The following PLXDC2 variants were observed in gnomAD, a reference collection of about 807,000 sequenced individuals.
PLXDC2 encodes the protein plexin domain-containing protein 2.
Under a neutral mutation model 68.9 loss-of-function variants are expected in PLXDC2, and 40 were observed. The observed-to-expected ratio is 0.58, with a 90% CI of 0.45 to 0.76. PLXDC2 has a LOEUF of 0.76. Among genes scored for constraint, PLXDC2 ranks in the 30% least tolerant of loss-of-function variants. PLXDC2 has a pLI of 0.00. For synonymous variants in PLXDC2, 243 were observed against 234.2 expected (o/e 1.04, Z -0.34); for missense variants, 644 against 661.9 (o/e 0.97, Z 0.30).
intron 1 of PLXDC2, among the ~76,000 whole-genome samples, chr10:19,822,888 C>G (rs923420957): frequency 4.6e-5 from 7 of 151,906 alleles, no homozygotes; most frequent in African/African-American, 1.7e-4. Flanking sequence ...CACTATTTTC[C>G]TATACTGCTA....
intron 9 of PLXDC2, among the ~76,000 whole-genome samples, chr10:20,202,940 T>C (rs1834940610): frequency 6.6e-6 from 1 of 152,162 alleles, no homozygotes; most frequent in African/African-American, 2.4e-5. Flanking sequence ...CCTTTTTATA[T>C]ATTTGTCATC....
In PLXDC2 at chr10:19,948,986, TGG is replaced by T. The variant is rs1412659332; in HGVS notation, c.113-52787_113-52786del. The stretch of plus-strand genomic sequence containing the variant: ...CTTTACTAAAAATACAAAAATTATC[TGG>T]GCATGGTAGTGGGCACCTGTTGTCC... On this transcript the variant is annotated intron_variant, in intron 1 of 13. Coordinates refer to ENST00000377252, the MANE Select transcript of PLXDC2 (RefSeq NM_032812.9). Among the ~76,000 whole-genome samples, 3 of 151,590 alleles carry T rather than the reference TGG, an allele frequency of 2.0e-5. No homozygotes were observed. In the East Asian group the frequency reaches 5.8e-4, roughly 29 times the overall value.
chr10:20,213,964 T>C (rs1410644460), intron 10 of PLXDC2, among the ~76,000 whole-genome samples: 1 of 152,144 alleles, frequency 6.6e-6, no homozygotes, highest in Non-Finnish European at 1.5e-5. Context: ...CTGTGCTGTA[T>C]TTGGAGCAAT....
At chr10:20,176,809 T>C (rs1045459111) in intron 7 of PLXDC2, among the ~76,000 whole-genome samples, 190 bp from the exon 8 acceptor site, 4 of 152,130 alleles carry the variant, frequency 2.6e-5, no homozygotes, top group Non-Finnish European at 5.9e-5. Context: ...TCAACTTCGC[T>C]GATAAAAAGA....
At chr10:19,899,698 C>T (rs1838125750) in intron 1 of PLXDC2, among the ~76,000 whole-genome samples, 1 of 152,076 alleles carries the variant, frequency 6.6e-6, no homozygotes, top group South Asian at 2.1e-4. Context: ...AATCATTCAA[C>T]TTCATATAGT....
chr10:20,055,806 A>G (rs769075574), intron 3 of PLXDC2, among the ~76,000 whole-genome samples: 1 of 152,172 alleles, frequency 6.6e-6, no homozygotes, highest in Non-Finnish European at 1.5e-5. Flanking sequence ...GACATAATGT[A>G]ATATTTTATT....
chr10:19,998,096 C>T (rs1475420828), intron 1 of PLXDC2, among the ~76,000 whole-genome samples: 2 of 152,158 alleles, frequency 1.3e-5, no homozygotes, highest in Non-Finnish European at 2.9e-5. Context: ...AGCAAACAAT[C>T]TGTTCAGCCA....
chr10:19,854,390 C>G (rs1317404925), intron 1 of PLXDC2, among the ~76,000 whole-genome samples: 3 of 152,106 alleles, frequency 2.0e-5, no homozygotes, highest in Non-Finnish European at 2.9e-5. Flanking sequence ...GGCTATCAAC[C>G]CAAGGCAATT....
chr10:20,030,618 A>G (rs1394697976), intron 2 of PLXDC2, among the ~76,000 whole-genome samples: 3 of 152,160 alleles, frequency 2.0e-5, no homozygotes, highest in East Asian at 3.9e-4. Flanking sequence ...ACAGTTCCCA[A>G]TCAGGTCTGT....
At chr10:20,005,830 A>C (rs1014983864) in intron 2 of PLXDC2, among the ~76,000 whole-genome samples, 1 of 152,184 alleles carries the variant, frequency 6.6e-6, no homozygotes, top group East Asian at 1.9e-4. Context: ...TACATTTCCA[A>C]ATGAGATTCG....
chr10:19,844,549 GTCTTT>G (rs1393386757), intron 1 of PLXDC2, among the ~76,000 whole-genome samples: 32 of 151,864 alleles, frequency 2.1e-4, no homozygotes, highest in African/African-American at 7.0e-4. Flanking sequence ...AAAGGTCACT[GTCTTT>G]TCTTTTCTTT....
intron 10 of PLXDC2, among the ~76,000 whole-genome samples, chr10:20,215,435 G>A (rs1191092142): frequency 1.3e-5 from 2 of 152,056 alleles, no homozygotes; most frequent in Non-Finnish European, 2.9e-5. Context: ...AGGGAAAGCA[G>A]TATAATGTCA....
chr10:20,276,879 G>C (rs1287904692), intron 13 of PLXDC2, among the ~76,000 whole-genome samples: 1 of 152,094 alleles, frequency 6.6e-6, no homozygotes, highest in Non-Finnish European at 1.5e-5. Flanking sequence ...ACTCTGGGTA[G>C]GTGGCTCCTA....
chr10:20,029,897 C>G (rs1835470260), intron 2 of PLXDC2, among the ~76,000 whole-genome samples: 1 of 152,104 alleles, frequency 6.6e-6, no homozygotes, highest in African/African-American at 2.4e-5. Flanking sequence ...CATCAGCTAC[C>G]TGACATTAAG....
chr10:20,134,991 T>C (rs1304963541), intron 4 of PLXDC2, among the ~76,000 whole-genome samples: 1 of 152,186 alleles, frequency 6.6e-6, no homozygotes, highest in Non-Finnish European at 1.5e-5. Context: ...ATGTGGGTAA[T>C]GTGAAATTTT....
intron 1 of PLXDC2, among the ~76,000 whole-genome samples, chr10:19,888,815 G>A (rs1213115454): frequency 4.6e-5 from 7 of 152,058 alleles, no homozygotes; most frequent in Non-Finnish European, 1.0e-4. Context: ...ACTAAAAAAT[G>A]TCATTAAAAA....
At chr10:20,018,770 G>A (rs1031218216) in intron 2 of PLXDC2, among the ~76,000 whole-genome samples, 1 of 151,920 alleles carries the variant, frequency 6.6e-6, no homozygotes, top group African/African-American at 2.4e-5. Context: ...AAGTCAACAT[G>A]ATTTGAAACA....
At chr10:19,996,485 C>A (rs1834844895) in intron 1 of PLXDC2, among the ~76,000 whole-genome samples, 1 of 152,130 alleles carries the variant, frequency 6.6e-6, no homozygotes, top group South Asian at 2.1e-4. Context: ...ACTCAGGAGG[C>A]TGAGGTGGGA....
At chr10:19,826,581 TGA>T (rs1346617133) in intron 1 of PLXDC2, among the ~76,000 whole-genome samples, 3 of 152,242 alleles carry the variant, frequency 2.0e-5, no homozygotes, top group Non-Finnish European at 4.4e-5. Flanking sequence ...CATTTTAGTT[TGA>T]GAGCATTCTT....
Sources: gnomAD v4.1 joint callset for allele counts (sites outside exome capture counted in the v4.1 genomes callset) on GRCh38, gnomAD v4.1.1 for gene constraint, MANE v1.5 for transcripts, NCBI Gene and HGNC (gene_info 2026-07-23, HGNC 2026-07-21) for gene names.